Variants in ANKRD11 observed in about 807,000 individuals in gnomAD.
The protein encoded by ANKRD11 is ankyrin repeat domain-containing protein 11.
A neutral mutation model predicts 195.7 loss-of-function variants in ANKRD11; 17 were observed. The observed-to-expected ratio is 0.09, with a 90% CI of 0.06 to 0.13. The LOEUF (loss-of-function observed/expected upper bound fraction) is 0.13, where lower values mean the gene tolerates loss of function less well. ANKRD11 is among the 10% of genes least tolerant of loss of function. ANKRD11 has a pLI of 1.00. For synonymous variants in ANKRD11, 1,953 were observed against 1,528.1 expected (o/e 1.28, Z -6.49); for missense variants, 3,735 against 3,566.1 (o/e 1.05, Z -1.21).
At chr16:89,392,830 A>C (rs766608134) in intron 2 of ANKRD11, among the ~76,000 whole-genome samples, 30 of 150,980 alleles carry the variant, frequency 2.0e-4, no homozygotes, top group Non-Finnish European at 4.1e-4. Context: ...GAAAAAAGAA[A>C]ACTGGGAATA....
At chr16:89,420,906 C>G (rs534431700) in intron 1 of ANKRD11, among the ~76,000 whole-genome samples, 1 of 152,326 alleles carries the variant, frequency 6.6e-6, no homozygotes, top group African/African-American at 2.4e-5. Flanking sequence ...ACATCAAAAC[C>G]ACCACCACGA....
intron 3 of ANKRD11, among the ~76,000 whole-genome samples, chr16:89,314,850 C>CG (rs1445470038): frequency 6.6e-6 from 1 of 152,154 alleles, no homozygotes; most frequent in African/African-American, 2.4e-5. Context: ...CTAAAACCTG[C>CG]GGGCACAGAG....
rs188399509 is a variant in ANKRD11, at chr16:89,270,679, A to C, written c.7806+138T>G. 8.7e-4 allele frequency: 741 copies of C among 849,316 alleles called. 5 individuals are homozygous for C. In the African/African-American group the frequency reaches 0.011, roughly 13 times the overall value. The allele number at this position is 849,316 out of a possible 1,614,324, so 52.6% of individuals were successfully genotyped here. A position where few individuals can be genotyped will look rare whatever the true frequency, so the allele number is the denominator to read the frequency against. The stretch of plus-strand genomic sequence containing the variant: ...CCGAAAGCATCGGCCAGATTAAGAG[A>C]ATCTGAAATTGTCACCGCCCATCAC... On this transcript the variant is annotated intron_variant, in intron 12 of 12. Coordinates refer to ENST00000301030, the MANE Select transcript of ANKRD11 (RefSeq NM_013275.6).
chr16:89,398,954 C>G (rs2041579589), intron 2 of ANKRD11, among the ~76,000 whole-genome samples: 1 of 152,186 alleles, frequency 6.6e-6, no homozygotes, highest in Admixed American at 6.5e-5. Context: ...AGACCCCAGA[C>G]AGACTCCCAT....
intron 2 of ANKRD11, among the ~76,000 whole-genome samples, chr16:89,345,239 T>C (rs1457261758): frequency 2.7e-5 from 4 of 150,888 alleles, no homozygotes; most frequent in Non-Finnish European, 5.9e-5. Flanking sequence ...AAAAAACATA[T>C]TACAAGCCCC....
Position 89,489,662 on chromosome 16 carries a change from G to A in ANKRD11, c.-145+583C>T, listed in dbSNP as rs868336501. Among the ~76,000 whole-genome samples, 341 of 152,000 alleles carry A rather than the reference G, an allele frequency of 2.2e-3. 2 individuals are homozygous for A. Among genetic ancestry groups the A allele is most frequent in the Non-Finnish European group, 3.4e-3 (231 of 67,880 alleles). ...CAGAGGTCGGCGCCCCAGCTCCGCA[G>A]AACCCGGCGCCCGGCCAGCGCCCCC... On this transcript the variant is annotated intron_variant, in intron 1 of 12. Transcript: ENST00000301030.
intron 2 of ANKRD11, among the ~76,000 whole-genome samples, chr16:89,394,749 C>T (rs1217443588): frequency 2.0e-5 from 3 of 152,180 alleles, no homozygotes; most frequent in African/African-American, 7.2e-5. Context: ...ACAAAGGCTC[C>T]ATCAAGGATG....
chr16:89,291,634 A>G lies in ANKRD11; in HGVS notation c.227-451T>C. The G allele has an allele frequency of 4.0e-6, 5 of 1,253,890 alleles. No individual in the cohort carries two copies. The highest frequency in any genetic ancestry group is 4.3e-4 in the Middle Eastern group (2 of 4,636). The allele number at this position is 1,253,890 out of a possible 1,614,324, so 77.7% of individuals were successfully genotyped here. On this transcript the variant is annotated intron_variant, in intron 4 of 12. Coordinates refer to ENST00000301030, the MANE Select transcript of ANKRD11 (RefSeq NM_013275.6). This position sits in a 1 kb window ranked among gnomAD's most constrained non-coding sequence, Gnocchi z 5.3. ...AGTGCAGATATAAAATGGCAGACAC[A>G]GTTTAAAACACATCAGTAAATCAAG...
intron 1 of ANKRD11, among the ~76,000 whole-genome samples, chr16:89,461,881 T>G (rs2056681958): frequency 6.6e-6 from 1 of 152,220 alleles, no homozygotes; most frequent in Non-Finnish European, 1.5e-5. Flanking sequence ...TTCAGAAGAC[T>G]CTGACACTGC....
intron 2 of ANKRD11, among the ~76,000 whole-genome samples, chr16:89,383,316 C>A (rs1238544924): frequency 2.6e-5 from 4 of 152,244 alleles, no homozygotes; most frequent in Non-Finnish European, 5.9e-5. Flanking sequence ...CCTAGCCATG[C>A]CTGCCTGGCT....
intron 2 of ANKRD11, among the ~76,000 whole-genome samples, chr16:89,318,368 T>A (rs2037091235): frequency 6.6e-6 from 1 of 152,176 alleles, no homozygotes; most frequent in Non-Finnish European, 1.5e-5. Flanking sequence ...TGTCCCCCCA[T>A]CATGTCCTCG....
chr16:89,362,941 C>G (rs1228058341), intron 2 of ANKRD11, among the ~76,000 whole-genome samples: 2 of 151,906 alleles, frequency 1.3e-5, no homozygotes, highest in South Asian at 4.1e-4. Flanking sequence ...CAATGGAAAC[C>G]GGACACAGCA....
At chr16:89,288,497 C>A in intron 7 of ANKRD11, 31 bp downstream of exon 7, 1 of 1,613,974 alleles carries the variant, frequency 6.2e-7, no homozygotes, top group Non-Finnish European at 8.5e-7. Flanking sequence ...CCAGGACAGG[C>A]CGGATGTGTG....
At chr16:89,440,145 T>C (rs2043383517) in intron 1 of ANKRD11, among the ~76,000 whole-genome samples, 2 of 152,200 alleles carry the variant, frequency 1.3e-5, no homozygotes, top group African/African-American at 4.8e-5. Context: ...CTCTTCCTAC[T>C]TCTCCAGTCC....
At chr16:89,455,019 A>G (rs2056368768) in intron 1 of ANKRD11, among the ~76,000 whole-genome samples, 1 of 89,316 alleles carries the variant, frequency 1.1e-5, no homozygotes, top group Admixed American at 1.1e-4. Context: ...GGGTGCTGTT[A>G]GGGTTCCTCA....
chr16:89,485,091 G>T (rs1367808103), intron 1 of ANKRD11, among the ~76,000 whole-genome samples: 5 of 152,054 alleles, frequency 3.3e-5, no homozygotes, highest in African/African-American at 1.2e-4. Context: ...CGGTCCTCTA[G>T]GCCCCTGAAA....
At chr16:89,345,754 GCATGCTGTGCACACCAGGTA>G (rs994525713) in intron 2 of ANKRD11, among the ~76,000 whole-genome samples, 8 of 152,126 alleles carry the variant, frequency 5.3e-5, no homozygotes, top group African/African-American at 9.7e-5. Flanking sequence ...CACACCAGGT[GCATGCTGTGCACACCAGGTA>G]CATGCTGTGC....
At chr16:89,339,840 A>T (rs2038570408) in intron 2 of ANKRD11, 1 of 152,196 alleles carries the variant, frequency 6.6e-6, no homozygotes, top group Non-Finnish European at 1.5e-5. Flanking sequence ...TTTTGGGGCT[A>T]AGCATTCCTC....
intron 2 of ANKRD11, among the ~76,000 whole-genome samples, chr16:89,397,886 C>G (rs534313330): frequency 2.6e-5 from 4 of 152,252 alleles, no homozygotes; most frequent in Non-Finnish European, 4.4e-5. Context: ...GGGCATGGGA[C>G]TCTCCATCCC....
Sources: gnomAD v4.1 joint callset for allele counts (sites outside exome capture counted in the v4.1 genomes callset) on GRCh38, gnomAD v4.1.1 for gene constraint, Gnocchi (gnomAD v3.1) non-coding constraint, MANE v1.5 for transcripts, NCBI Gene and HGNC (gene_info 2026-07-23, HGNC 2026-07-21) for gene names.